Variants in TMEM232 observed in about 807,000 individuals in gnomAD.
TMEM232 encodes the protein transmembrane protein 232.
Under a neutral mutation model 78.8 loss-of-function variants are expected in TMEM232, and 80 were observed. The observed-to-expected ratio is 1.01, with a 90% CI of 0.85 to 1.22. The LOEUF (loss-of-function observed/expected upper bound fraction) is 1.22. Among genes scored for constraint, TMEM232 ranks in the 50% most tolerant of loss-of-function variants. The probability of loss-of-function intolerance (pLI) is 0.00; values close to 1 mark genes in which losing one functional copy is unlikely to be tolerated. For missense variants in TMEM232, 881 were observed against 742.2 expected, an observed-to-expected ratio of 1.19 and a Z score of -2.17; for synonymous variants, 297 against 254.3, an observed-to-expected ratio of 1.17 and a Z score of -1.60.
intron 11 of TMEM232, among the ~76,000 whole-genome samples, chr5:110,538,394 G>C (rs1025515148): frequency 2.0e-5 from 3 of 152,146 alleles, no homozygotes; most frequent in Non-Finnish European, 4.4e-5. Context: ...AAGGAAAACA[G>C]GAACAGAGTG....
chr5:110,602,450 GA>G (rs538342548), intron 10 of TMEM232, among the ~76,000 whole-genome samples: 8 of 149,468 alleles, frequency 5.4e-5, no homozygotes, highest in Non-Finnish European at 8.9e-5. Context: ...AAATTTACAA[GA>G]AAAAAAAACC....
intron 4 of TMEM232, among the ~76,000 whole-genome samples, chr5:110,639,976 T>C (rs1424889917): frequency 2.0e-5 from 3 of 152,212 alleles, no homozygotes; most frequent in Non-Finnish European, 2.9e-5. Context: ...TACCAGTTCA[T>C]GGTCCGGGGT....
chr5:110,595,092 T>A (rs898156193), intron 10 of TMEM232, among the ~76,000 whole-genome samples: 1 of 152,176 alleles, frequency 6.6e-6, no homozygotes, highest in Non-Finnish European at 1.5e-5. Context: ...CAGCAATCTT[T>A]GCCATACTGC....
chr5:110,706,786 G>A (rs564199801), intron 1 of TMEM232, among the ~76,000 whole-genome samples: 1 of 152,220 alleles, frequency 6.6e-6, no homozygotes, highest in Non-Finnish European at 1.5e-5. Context: ...TCTGTGAAAT[G>A]AAAAGACACC....
chr5:110,690,546 G>A (rs141312572), intron 1 of TMEM232, among the ~76,000 whole-genome samples: 1 of 152,094 alleles, frequency 6.6e-6, no homozygotes, highest in Non-Finnish European at 1.5e-5. Flanking sequence ...TTAGTTCAAC[G>A]ATTGTGGAAG....
chr5:110,605,445 G>T (rs1781430353), intron 9 of TMEM232, 87 bp from the exon 10 acceptor site: 2 of 1,400,226 alleles, frequency 1.4e-6, no homozygotes, highest in South Asian at 1.6e-5. Context: ...ATTGTTAAAA[G>T]ACCATAATAA....
intron 10 of TMEM232, among the ~76,000 whole-genome samples, chr5:110,580,290 G>C (rs1342938263): frequency 1.3e-5 from 2 of 151,626 alleles, no homozygotes; most frequent in Admixed American, 6.6e-5. Context: ...TTGTAATGTT[G>C]TAGTGCAATG....
intron 1 of TMEM232, among the ~76,000 whole-genome samples, chr5:110,675,192 A>G (rs1561495112): frequency 6.6e-6 from 1 of 151,882 alleles, no homozygotes; most frequent in Non-Finnish European, 1.5e-5. Flanking sequence ...TTACAGGCGC[A>G]CGTCACCATG....
At chr5:110,682,697 A>G (rs1043178563) in intron 1 of TMEM232, among the ~76,000 whole-genome samples, 1 of 152,172 alleles carries the variant, frequency 6.6e-6, no homozygotes, top group Non-Finnish European at 1.5e-5. Context: ...AGTATCTAGA[A>G]TATAGTTTCT....
intron 5 of TMEM232, among the ~76,000 whole-genome samples, chr5:110,635,855 T>G (rs1785741233): frequency 6.6e-6 from 1 of 151,982 alleles, no homozygotes; most frequent in African/African-American, 2.4e-5. Context: ...TGTTTAGGTT[T>G]CTAAGAAACT....
intron 1 of TMEM232, among the ~76,000 whole-genome samples, chr5:110,694,206 G>C (rs1475380996): frequency 6.6e-6 from 1 of 152,130 alleles, no homozygotes; most frequent in Non-Finnish European, 1.5e-5. Context: ...GCCAAACTAA[G>C]TTTCATAAGT....
intron 1 of TMEM232, among the ~76,000 whole-genome samples, chr5:110,722,884 T>C (rs910271215): frequency 6.6e-6 from 1 of 152,200 alleles, no homozygotes; most frequent in Non-Finnish European, 1.5e-5. Context: ...GTTAATTCTT[T>C]GTATTTACTG....
intron 11 of TMEM232, among the ~76,000 whole-genome samples, chr5:110,565,947 C>T (rs1396688510): frequency 6.6e-6 from 1 of 151,818 alleles, no homozygotes; most frequent in Admixed American, 6.6e-5. Context: ...ATTTATTGCA[C>T]TATATTTTCA....
At position 110,713,676 on chromosome 5, in the gene TMEM232, A is replaced by C. The variant is rs1796726833; in HGVS notation, c.-13+12951T>G. ...TACAGATAACAAAAACTTGGCCTAT[A>C]AACTAAAGCTTGTTAACAAAAGACC... is the stretch of plus-strand genomic sequence containing the variant. On this transcript the variant is annotated intron_variant, in intron 1 of 13. Coordinates refer to ENST00000455884, the MANE Select transcript of TMEM232 (RefSeq NM_001039763.4). 2.0e-5 allele frequency among the ~76,000 whole-genome samples: 3 copies of C among 152,354 alleles called. No homozygotes were observed. In the Middle Eastern group the frequency reaches 0.01, roughly 518 times the overall value.
intron 1 of TMEM232, among the ~76,000 whole-genome samples, chr5:110,680,779 C>A: frequency 6.6e-6 from 1 of 151,636 alleles, no homozygotes; most frequent in Middle Eastern, 3.2e-3. Context: ...ACATATTTTT[C>A]ATATTTGAGG....
intron 1 of TMEM232, among the ~76,000 whole-genome samples, chr5:110,671,189 C>T (rs2150144666): frequency 6.6e-6 from 1 of 152,142 alleles, no homozygotes; most frequent in South Asian, 2.1e-4. Context: ...CAAACCAAAG[C>T]CACAATGAGA....
At chr5:110,388,595 C>T (rs1219663025) in intron 4 of TMEM232, among the ~76,000 whole-genome samples, 1 of 152,180 alleles carries the variant, frequency 6.6e-6, no homozygotes, top group East Asian at 1.9e-4. Flanking sequence ...GCTTCATGCA[C>T]TATGCATATG....
chr5:110,670,734 G>A (rs1791247948), intron 1 of TMEM232, among the ~76,000 whole-genome samples: 1 of 151,870 alleles, frequency 6.6e-6, no homozygotes, highest in South Asian at 2.1e-4. Flanking sequence ...ATATTTTCAG[G>A]CATTTATTTT....
At chr5:110,415,332 C>T (rs562542807), downstream of TMEM232, among the ~76,000 whole-genome samples, 29 of 151,878 alleles carry the variant, frequency 1.9e-4, no homozygotes, top group South Asian at 8.3e-4. Context: ...GGACTACAGG[C>T]GCCTGCCACC....
Sources: gnomAD v4.1 joint callset for allele counts (sites outside exome capture counted in the v4.1 genomes callset) on GRCh38, gnomAD v4.1.1 for gene constraint, MANE v1.5 for transcripts, NCBI Gene and HGNC (gene_info 2026-07-23, HGNC 2026-07-21) for gene names.